ACOT7: variants seen among roughly 807,000 people sequenced by gnomAD.
ACOT7 encodes the protein acyl-CoA thioesterase 7.
ACOT7 carries 12 observed loss-of-function variants against 40.2 expected under a neutral mutation model. That is an observed-to-expected ratio of 0.30 (90% CI 0.19 to 0.48). The LOEUF is 0.48. ACOT7 is among the 20% of genes least tolerant of loss of function. ACOT7 has a pLI of 0.99. For missense variants in ACOT7, 395 were observed against 530.8 expected, an observed-to-expected ratio of 0.74 and a Z score of 2.51; for synonymous variants, 228 against 219.5, an observed-to-expected ratio of 1.04 and a Z score of -0.34.
At chr1:6,304,448 ATTTGGCAGGG>A (rs1640063618) in intron 6 of ACOT7, among the ~76,000 whole-genome samples, 1 of 72,350 alleles carries the variant, frequency 1.4e-5, no homozygotes, top group Non-Finnish European at 2.6e-5. Context: ...GCAGAGGGGG[ATTTGGCAGGG>A]TCACAGGACA....
intron 6 of ACOT7, among the ~76,000 whole-genome samples, chr1:6,302,468 G>A (rs1432261333): frequency 1.3e-5 from 2 of 152,100 alleles, no homozygotes; most frequent in East Asian, 3.9e-4. Context: ...TCAGAGGCGG[G>A]AGCAGAAACC....
In ACOT7 at chr1:6,355,950, A is replaced by G. The variant is rs6701975; in HGVS notation, c.144-6084T>C. 0.3 allele frequency among the ~76,000 whole-genome samples: 44,986 copies of G among 152,074 alleles called. 10,639 individuals carry two copies. The highest frequency in any genetic ancestry group is 0.66 in the African/African-American group (27,457 of 41,476). ...GCCTCCTGTGCCCTGGGGTCCTCTC[A>G]AGGTGGAGTCCCACCTAAGCCACAT... On this transcript the variant is annotated intron_variant, in intron 1 of 8. Coordinates refer to ENST00000361521, the MANE Select transcript of ACOT7 (RefSeq NM_007274.4). The surrounding 1 kb of genome is among the most constrained non-coding windows in gnomAD (Gnocchi z 5.0).
intron 6 of ACOT7, among the ~76,000 whole-genome samples, chr1:6,300,710 C>T (rs1571284894): frequency 6.7e-6 from 1 of 149,950 alleles, no homozygotes. Flanking sequence ...CCCCTCTCCA[C>T]AAACACGGAA....
chr1:6,296,015 C>T (rs1409817312), intron 6 of ACOT7, among the ~76,000 whole-genome samples: 2 of 152,088 alleles, frequency 1.3e-5, no homozygotes. Flanking sequence ...GGTGATCCTC[C>T]TACTTCAGCC....
intron 7 of ACOT7, among the ~76,000 whole-genome samples, chr1:6,281,842 G>A (rs557660298): frequency 5.8e-4 from 89 of 152,254 alleles, no homozygotes; most frequent in Non-Finnish European, 1.0e-3. Context: ...GCAGCTGCCC[G>A]TGCCCCTTGG....
intron 5 of ACOT7, among the ~76,000 whole-genome samples, chr1:6,320,271 C>T (rs1302447505): frequency 6.6e-6 from 1 of 152,226 alleles, no homozygotes; most frequent in African/African-American, 2.4e-5. Flanking sequence ...GTGTAAACCT[C>T]GCCCACTGCT....
chr1:6,362,360 G>C (rs61763927), intron 1 of ACOT7, among the ~76,000 whole-genome samples: 11,006 of 151,930 alleles, frequency 0.072, 635 homozygotes, highest in African/African-American at 0.15. Flanking sequence ...GAACCCAGGA[G>C]GCAGAGGTTG....
chr1:6,275,840 G>A lies in ACOT7; in HGVS notation c.1014+5262C>T, dbSNP rs76332125. Among the ~76,000 whole-genome samples the A allele has an allele frequency of 9.0e-3, 1,372 of 152,250 alleles. 22 individuals are homozygous for A. The highest frequency in any genetic ancestry group is 0.03 in the African/African-American group (1,249 of 41,522). ...TCGGAGTCCTGGGCTGGCCACCTCG[G>A]GAGATGTGTGTTCATGAGCACCAGA... On this transcript the variant is annotated intron_variant, in intron 8 of 8. Coordinates refer to ENST00000361521, the MANE Select transcript of ACOT7 (RefSeq NM_007274.4). This position sits in a 1 kb window ranked among gnomAD's most constrained non-coding sequence, Gnocchi z 5.6.
chr1:6,333,635 CGTGGCAG>C (rs1214694190), intron 3 of ACOT7, 67 bp from the exon 4 acceptor site: 1 of 1,518,818 alleles, frequency 6.6e-7, no homozygotes, highest in Non-Finnish European at 9.1e-7. Context: ...CGTCCAGGCA[CGTGGCAG>C]GTGCTGCTCC....
At chr1:6,392,862 G>A (rs1642555718) in intron 1 of ACOT7, among the ~76,000 whole-genome samples, 2 of 152,312 alleles carry the variant, frequency 1.3e-5, no homozygotes, top group South Asian at 4.1e-4. Flanking sequence ...AGGCTAAGCA[G>A]GACCACGGGG....
Position 6,288,660 on chromosome 1 carries a change from G to A in ACOT7, c.829+6204C>T, listed in dbSNP as rs1639578287. On this transcript the variant is annotated intron_variant, in intron 7 of 8. Transcript: ENST00000361521. This position sits in a 1 kb window ranked among gnomAD's most constrained non-coding sequence, Gnocchi z 4.3. Reference sequence around the variant, plus strand: ...GCCCTCTGTGGTCTAGGCAAGTGTGGGGCATCCTGGAAGAGTCTGGTTCAT... The same window carrying A: ...GCCCTCTGTGGTCTAGGCAAGTGTGAGGCATCCTGGAAGAGTCTGGTTCAT... Among the ~76,000 whole-genome samples the A allele has an allele frequency of 6.6e-6, 1 of 152,156 alleles. No individual in the cohort carries two copies. The highest frequency in any genetic ancestry group is 1.5e-5 in the Non-Finnish European group (1 of 68,036).
At position 6,366,173 on chromosome 1, in the gene ACOT7, G is replaced by A. The variant is rs867478914; in HGVS notation, c.144-16307C>T. Reference sequence around the variant, plus strand: ...AGCCTCCCAAAGTGCTGGGATTACCGCCCGGCCTGCAGACTGATTAGGATG... The same window carrying A: ...AGCCTCCCAAAGTGCTGGGATTACCACCCGGCCTGCAGACTGATTAGGATG... On this transcript the variant is annotated intron_variant, in intron 1 of 8. Coordinates refer to ENST00000361521, the MANE Select transcript of ACOT7 (RefSeq NM_007274.4). 3.9e-5 allele frequency among the ~76,000 whole-genome samples: 6 copies of A among 152,044 alleles called. 1 individual carries two copies. The highest frequency in any genetic ancestry group is 7.4e-5 in the Non-Finnish European group (5 of 68,010).
At chr1:6,304,942 AG>A (rs1387110014) in intron 6 of ACOT7, among the ~76,000 whole-genome samples, 1 of 147,018 alleles carries the variant, frequency 6.8e-6, no homozygotes, top group Non-Finnish European at 1.5e-5. Context: ...GGCCGGGCAG[AG>A]GGGCTCCTCA....
chr1:6,282,765 T>C lies in ACOT7; in HGVS notation c.830-1479A>G, dbSNP rs1639392072. ...CAGTGCTGGGAGAGGAGGAAGGAGCTGTGTGGTCAGCGCCAGCAGGCATTA... is the reference window on the plus strand; with the variant it reads ...CAGTGCTGGGAGAGGAGGAAGGAGCCGTGTGGTCAGCGCCAGCAGGCATTA... On this transcript the variant is annotated intron_variant, in intron 7 of 8. Transcript: ENST00000361521. This position sits in a 1 kb window ranked among gnomAD's most constrained non-coding sequence, Gnocchi z 4.5. 8.4e-6 allele frequency: 11 copies of C among 1,304,178 alleles called. No individual in the cohort carries two copies. The highest frequency in any genetic ancestry group is 1.5e-5 in the African/African-American group (1 of 65,886). 80.8% of individuals were successfully genotyped at this position (1,304,178 alleles called of 1,614,324 possible).
chr1:6,336,266 G>A (rs557403901), intron 3 of ACOT7, among the ~76,000 whole-genome samples: 73 of 147,628 alleles, frequency 4.9e-4, no homozygotes, highest in African/African-American at 1.7e-3. Flanking sequence ...CCTGAGAGGC[G>A]GAGGTTGTAG....
In ACOT7 at chr1:6,288,995, G is replaced by A. The variant is rs187727087; in HGVS notation, c.829+5869C>T. Among the ~76,000 whole-genome samples the A allele has an allele frequency of 1.3e-5, 2 of 152,340 alleles. No individual in the cohort carries two copies. Among genetic ancestry groups the A allele is most frequent in the Admixed American group, 6.5e-5 (1 of 15,308 alleles). On this transcript the variant is annotated intron_variant, in intron 7 of 8. Coordinates refer to ENST00000361521, the MANE Select transcript of ACOT7 (RefSeq NM_007274.4). This position sits in a 1 kb window ranked among gnomAD's most constrained non-coding sequence, Gnocchi z 4.3. ...CACTCTCCCAAGGAGGCAGTTTTACGGGAGGCTGAAGGAGAGAAAGCAAAG... is the reference window on the plus strand; with the variant it reads ...CACTCTCCCAAGGAGGCAGTTTTACAGGAGGCTGAAGGAGAGAAAGCAAAG...
In ACOT7 at chr1:6,330,232, C is replaced by T. The variant is rs1640918685; in HGVS notation, c.511-2819G>A. Among the ~76,000 whole-genome samples, 1 of 152,212 alleles carries T rather than the reference C, an allele frequency of 6.6e-6. No individual in the cohort carries two copies. Among genetic ancestry groups the T allele is most frequent in the South Asian group, 2.1e-4 (1 of 4,834 alleles). ...GTAGAAAGGTCAGCGGGAGCATGCT[C>T]ATGCAATATAAGACAGCCCTGTGGC... is the stretch of plus-strand genomic sequence containing the variant. On this transcript the variant is annotated intron_variant, in intron 4 of 8. Transcript: ENST00000361521. This position sits in a 1 kb window ranked among gnomAD's most constrained non-coding sequence, Gnocchi z 4.6.
chr1:6,280,510 G>A (rs3789506), intron 8 of ACOT7, among the ~76,000 whole-genome samples: 2,252 of 152,344 alleles, frequency 0.015, 30 homozygotes, highest in East Asian at 0.037. Flanking sequence ...GAACGAGTGC[G>A]TGTGGCCTGC....
chr1:6,324,063 G>A (rs1293982583), intron 5 of ACOT7, among the ~76,000 whole-genome samples: 1 of 152,042 alleles, frequency 6.6e-6, no homozygotes, highest in African/African-American at 2.4e-5. Context: ...TTCTCCCAGA[G>A]CTGCTGTTCC....
Sources: allele counts gnomAD v4.1 joint callset (sites outside exome capture counted in the v4.1 genomes callset), GRCh38; gene constraint gnomAD v4.1.1; non-coding constraint Gnocchi (gnomAD v3.1); transcripts MANE v1.5; gene names NCBI Gene and HGNC (gene_info 2026-07-23, HGNC 2026-07-21).